The following DENND1B variants were observed in gnomAD, a reference collection of about 807,000 sequenced individuals.
DENND1B encodes the protein DENN domain-containing protein 1B.
Under a neutral mutation model 90.1 loss-of-function variants are expected in DENND1B, and 59 were observed. That is an observed-to-expected ratio of 0.65 (90% CI 0.53 to 0.81). The LOEUF (loss-of-function observed/expected upper bound fraction) is 0.81. Among genes scored for constraint, DENND1B ranks in the 40% least tolerant of loss-of-function variants. The probability of loss-of-function intolerance (pLI) is 0.00; values close to 1 mark genes in which losing one functional copy is unlikely to be tolerated. For missense variants in DENND1B, 862 were observed against 912.6 expected (o/e 0.94, Z 0.71); for synonymous variants, 337 against 324.6 (o/e 1.04, Z -0.41).
At chr1:197,618,348 G>T (rs915298167) in intron 10 of DENND1B, among the ~76,000 whole-genome samples, 2 of 151,140 alleles carry the variant, frequency 1.3e-5, no homozygotes, top group Non-Finnish European at 3.0e-5. Context: ...TGTCACTATT[G>T]ACCAGCAAAC....
chr1:197,733,831 T>C (rs575006709), intron 2 of DENND1B, among the ~76,000 whole-genome samples: 1 of 152,314 alleles, frequency 6.6e-6, no homozygotes, highest in Non-Finnish European at 1.5e-5. Flanking sequence ...GAAAAACTTT[T>C]AGAACTCAAT....
chr1:197,544,362 A>C, intron 18 of DENND1B, among the ~76,000 whole-genome samples: 1 of 152,172 alleles, frequency 6.6e-6, no homozygotes, highest in Non-Finnish European at 1.5e-5. Flanking sequence ...GCAGAGGAGA[A>C]TATCTCACAT....
intron 3 of DENND1B, among the ~76,000 whole-genome samples, chr1:197,675,606 G>A (rs1655979720): frequency 6.6e-6 from 1 of 152,136 alleles, no homozygotes; most frequent in African/African-American, 2.4e-5. Context: ...TAAACTTGCA[G>A]TAAGTTAAAT....
At chr1:197,721,251 T>C (rs1443989508) in intron 2 of DENND1B, among the ~76,000 whole-genome samples, 1 of 151,844 alleles carries the variant, frequency 6.6e-6, no homozygotes, top group East Asian at 1.9e-4. Context: ...TTTTTATTTT[T>C]AGTAGAGACA....
chr1:197,770,708 A>ATATAAATATATATC (rs1320789645), intron 2 of DENND1B, among the ~76,000 whole-genome samples: 1 of 142,988 alleles, frequency 7.0e-6, no homozygotes, highest in Non-Finnish European at 1.5e-5. Flanking sequence ...ATCTATAAAT[A>ATATAAATATATATC]TATAAATATA....
intron 20 of DENND1B, among the ~76,000 whole-genome samples, chr1:197,519,934 T>C (rs189348341): frequency 6.6e-6 from 1 of 151,686 alleles, no homozygotes; most frequent in African/African-American, 2.4e-5. Context: ...AGGCAAAAGC[T>C]GGAAATTTAA....
chr1:197,624,173 T>A (rs932598230), intron 10 of DENND1B, among the ~76,000 whole-genome samples: 4 of 151,678 alleles, frequency 2.6e-5, no homozygotes, highest in Admixed American at 2.6e-4. Context: ...CAAAACTTAT[T>A]ATAAAGCTAC....
At chr1:197,657,318 A>G (rs1653943780) in intron 6 of DENND1B, among the ~76,000 whole-genome samples, 6 of 152,122 alleles carry the variant, frequency 3.9e-5, no homozygotes, top group Non-Finnish European at 7.4e-5. Context: ...GACACAGATA[A>G]AAGAGTTCCA....
At chr1:197,599,140 A>G (rs16841794) in intron 13 of DENND1B, among the ~76,000 whole-genome samples, 1,745 of 151,926 alleles carry the variant, frequency 0.011, 53 homozygotes, top group Admixed American at 0.063. Flanking sequence ...TAAACACAGC[A>G]AATAGGTACA....
chr1:197,540,096 A>G, intron 19 of DENND1B, 25 bp from the exon 20 acceptor site: 5 of 1,523,228 alleles, frequency 3.3e-6, no homozygotes, highest in Non-Finnish European at 4.5e-6. Context: ...ATATACAGGC[A>G]ATAATTGTAA....
chr1:197,540,935 T>C, intron 19 of DENND1B, 24 bp downstream of exon 19: 1 of 1,597,118 alleles, frequency 6.3e-7, no homozygotes, highest in African/African-American at 1.3e-5. Flanking sequence ...CAAGGTAAAA[T>C]GGAAAAAAAT....
intron 20 of DENND1B, among the ~76,000 whole-genome samples, chr1:197,525,809 T>C (rs1270311257): frequency 6.6e-6 from 1 of 151,946 alleles, no homozygotes; most frequent in Admixed American, 6.6e-5. Flanking sequence ...GAATCAAAGG[T>C]CTTAACAGAA....
intron 15 of DENND1B, among the ~76,000 whole-genome samples, chr1:197,576,599 T>C (rs371516250): frequency 1.3e-5 from 2 of 152,234 alleles, no homozygotes; most frequent in African/African-American, 4.8e-5. Flanking sequence ...TGTTGTGATA[T>C]AGAATGTACA....
intron 3 of DENND1B, among the ~76,000 whole-genome samples, chr1:197,678,086 A>G (rs1656275793): frequency 6.6e-6 from 1 of 152,084 alleles, no homozygotes; most frequent in African/African-American, 2.4e-5. Context: ...GTCATAAGCC[A>G]CTCCTAAACT....
At chr1:197,679,808 GTTT>G (rs56246204) in intron 3 of DENND1B, among the ~76,000 whole-genome samples, 97 of 92,044 alleles carry the variant, frequency 1.1e-3, no homozygotes, top group East Asian at 3.5e-3. Context: ...TCCAAGGGTT[GTTT>G]TTTTTTTTTT....
intron 3 of DENND1B, among the ~76,000 whole-genome samples, chr1:197,700,857 A>G (rs1310739684): frequency 1.3e-5 from 2 of 152,216 alleles, no homozygotes; most frequent in African/African-American, 4.8e-5. Flanking sequence ...TGATCACCAC[A>G]GAAATGCAAA....
chr1:197,693,966 C>T (rs1239452897), intron 3 of DENND1B, among the ~76,000 whole-genome samples: 2 of 151,418 alleles, frequency 1.3e-5, no homozygotes, highest in African/African-American at 4.8e-5. Context: ...AGCTAGTACA[C>T]AATAATTTTA....
At chr1:197,529,554 T>C (rs1233317998) in intron 20 of DENND1B, among the ~76,000 whole-genome samples, 2 of 151,804 alleles carry the variant, frequency 1.3e-5, no homozygotes, top group African/African-American at 4.8e-5. Context: ...TTCACTAGTA[T>C]AGTTGAGGTG....
intron 15 of DENND1B, among the ~76,000 whole-genome samples, chr1:197,577,593 A>G (rs1220628117): frequency 6.6e-6 from 1 of 152,190 alleles, no homozygotes; most frequent in Non-Finnish European, 1.5e-5. Flanking sequence ...ATAACAAGCA[A>G]TGTACAGAAG....
Sources: gnomAD v4.1 joint callset for allele counts (sites outside exome capture counted in the v4.1 genomes callset) on GRCh38, gnomAD v4.1.1 for gene constraint, MANE v1.5 for transcripts, NCBI Gene and HGNC (gene_info 2026-07-23, HGNC 2026-07-21) for gene names.